SDCCAG8: variants seen among roughly 807,000 people sequenced by gnomAD.
SDCCAG8 encodes the protein SHH signaling and ciliogenesis regulator SDCCAG8.
Under a neutral mutation model 101.8 loss-of-function variants are expected in SDCCAG8, and 74 were observed. The ratio of observed to expected loss-of-function variants is 0.73; its 90% CI spans 0.60 to 0.88. SDCCAG8 has a LOEUF of 0.88. SDCCAG8 is among the 40% of genes least tolerant of loss of function. The probability of loss-of-function intolerance (pLI) is 0.00; values close to 1 mark genes in which losing one functional copy is unlikely to be tolerated. For missense variants in SDCCAG8, 787 were observed against 822.6 expected, an observed-to-expected ratio of 0.96 and a Z score of 0.53; for synonymous variants, 281 against 292.9, an observed-to-expected ratio of 0.96 and a Z score of 0.41.
At position 243,423,422 on chromosome 1, in the gene SDCCAG8, G is replaced by A. The variant is rs563146725; in HGVS notation, c.1854-3005G>A. ...GATTATACCGTATATACAGTTTTGC[G>A]TCTGCTTTTTCATTTGATATCTAAT... On this transcript the variant is annotated intron_variant, in intron 15 of 17. Transcript: ENST00000366541. 3.3e-4 allele frequency among the ~76,000 whole-genome samples: 50 copies of A among 152,016 alleles called. 1 individual carries two copies. Among genetic ancestry groups the A allele is most frequent in the African/African-American group, 7.2e-4 (30 of 41,462 alleles).
Position 243,421,585 on chromosome 1 carries a change from G to A in SDCCAG8, c.1853+3509G>A, listed in dbSNP as rs78033246. ...GCGCTCTGTGTACTCCACACTGCAC[G>A]TAGTGGTGTCTGTAACCCCGGGGTT... On this transcript the variant is annotated intron_variant, in intron 15 of 17. Transcript: ENST00000366541. 9.8e-5 allele frequency among the ~76,000 whole-genome samples: 15 copies of A among 152,316 alleles called. No individual in the cohort carries two copies. In the East Asian group the frequency reaches 2.9e-3, roughly 29 times the overall value.
chr1:243,440,195 G>A (rs181782011), intron 16 of SDCCAG8, among the ~76,000 whole-genome samples: 116 of 152,198 alleles, frequency 7.6e-4, no homozygotes, highest in African/African-American at 2.7e-3. Flanking sequence ...AGGGTTATGA[G>A]GCTTAAATGA....
chr1:243,433,138 G>A (rs1304182946), intron 16 of SDCCAG8, among the ~76,000 whole-genome samples: 2 of 152,074 alleles, frequency 1.3e-5, no homozygotes, highest in South Asian at 2.1e-4. Context: ...TTATGGATAC[G>A]GTGCTGGAAA....
intron 16 of SDCCAG8, among the ~76,000 whole-genome samples, chr1:243,467,235 T>C (rs912961806): frequency 1.3e-5 from 2 of 152,258 alleles, no homozygotes; most frequent in African/African-American, 2.4e-5. Flanking sequence ...TTTTTGTTTG[T>C]CTTTTTAAAT....
At chr1:243,296,701 C>A (rs2070944971) in intron 6 of SDCCAG8, among the ~76,000 whole-genome samples, 1 of 151,682 alleles carries the variant, frequency 6.6e-6, no homozygotes, top group South Asian at 2.1e-4. Flanking sequence ...CGCCACTGCG[C>A]CCGGCTAATT....
intron 12 of SDCCAG8, among the ~76,000 whole-genome samples, chr1:243,369,019 G>A (rs1225181904): frequency 3.3e-5 from 5 of 152,010 alleles, no homozygotes; most frequent in Non-Finnish European, 7.4e-5. Context: ...AGCCTAAAAG[G>A]TTGAATATTG....
intron 12 of SDCCAG8, among the ~76,000 whole-genome samples, chr1:243,368,359 A>C (rs962095484): frequency 2.6e-5 from 4 of 152,170 alleles, no homozygotes; most frequent in Admixed American, 2.6e-4. Context: ...AAAGGAATAT[A>C]GGTCTACATT....
Position 243,430,903 on chromosome 1 carries a change from C to T in SDCCAG8, c.1985+4345C>T, listed in dbSNP as rs576960281. Among the ~76,000 whole-genome samples the T allele has an allele frequency of 4.6e-5, 7 of 152,220 alleles. No individual in the cohort carries two copies. The East Asian group carries it at 1.4e-3, about 30-fold the overall frequency. On this transcript the variant is annotated intron_variant, in intron 16 of 17. Coordinates refer to ENST00000366541, the MANE Select transcript of SDCCAG8 (RefSeq NM_006642.5). ...TTGGAACAGAGCCATCGTGTTTGCT[C>T]AAGACCAGTTATGGGCCGGGCGTGG...
At chr1:243,408,001 T>C (rs1358303378) in intron 13 of SDCCAG8, among the ~76,000 whole-genome samples, 2 of 152,218 alleles carry the variant, frequency 1.3e-5, no homozygotes, top group Non-Finnish European at 2.9e-5. Flanking sequence ...TTCTGAAACA[T>C]GGAAGACATC....
At chr1:243,289,254 G>A (rs1161397981) in intron 5 of SDCCAG8, among the ~76,000 whole-genome samples, 2 of 152,126 alleles carry the variant, frequency 1.3e-5, no homozygotes, top group Non-Finnish European at 2.9e-5. Flanking sequence ...TCTAGCACAG[G>A]AGAAAGATGT....
chr1:243,273,435 A>C (rs1346341227), intron 3 of SDCCAG8, among the ~76,000 whole-genome samples: 2 of 152,208 alleles, frequency 1.3e-5, no homozygotes, highest in Non-Finnish European at 2.9e-5. Flanking sequence ...CTATACATTA[A>C]CAGTCAGTTC....
intron 1 of SDCCAG8, among the ~76,000 whole-genome samples, chr1:243,265,798 G>C (rs1264320527): frequency 1.3e-5 from 2 of 151,776 alleles, no homozygotes; most frequent in Non-Finnish European, 2.9e-5. Flanking sequence ...GGGGACAACA[G>C]GGAGACTTCG....
At chr1:243,338,532 G>A (rs1193661355) in intron 10 of SDCCAG8, among the ~76,000 whole-genome samples, 1 of 151,614 alleles carries the variant, frequency 6.6e-6, no homozygotes, top group Non-Finnish European at 1.5e-5. Context: ...GTGAGTTTGT[G>A]TGTTATCTTC....
At chr1:243,462,409 C>G (rs1283909299) in intron 16 of SDCCAG8, among the ~76,000 whole-genome samples, 2 of 152,218 alleles carry the variant, frequency 1.3e-5, no homozygotes, top group Admixed American at 6.5e-5. Flanking sequence ...AGGTAAGGGG[C>G]TGTGTGGCTG....
chr1:243,428,765 G>A (rs1486689141), intron 16 of SDCCAG8, among the ~76,000 whole-genome samples: 2 of 152,186 alleles, frequency 1.3e-5, no homozygotes, highest in African/African-American at 4.8e-5. Context: ...CAAATGTGAA[G>A]GTGCAGTATT....
chr1:243,392,138 A>G (rs908339268), intron 13 of SDCCAG8, among the ~76,000 whole-genome samples: 9 of 152,244 alleles, frequency 5.9e-5, no homozygotes, highest in African/African-American at 1.9e-4. Context: ...ATTTTAACTC[A>G]TTCAGCGTTT....
At chr1:243,302,863 C>T (rs920204024) in intron 6 of SDCCAG8, among the ~76,000 whole-genome samples, 2 of 152,128 alleles carry the variant, frequency 1.3e-5, no homozygotes, top group Admixed American at 1.3e-4. Context: ...GTAGCAAGAA[C>T]ATCATGAAAG....
Position 243,304,693 on chromosome 1 carries a change from T to C in SDCCAG8, c.676-20T>C. Reference sequence around the variant, plus strand: ...TACAGGACATAGAGAAAAATGTACTTCTATTTTTCTTTTCTATAGGAGAAG... The same window carrying C: ...TACAGGACATAGAGAAAAATGTACTCCTATTTTTCTTTTCTATAGGAGAAG... On this transcript the variant is annotated intron_variant, in intron 6 of 17. Transcript: ENST00000366541. 7.5e-7 allele frequency: 1 copy of C among 1,332,632 alleles called. No homozygotes were observed. 82.6% of individuals were successfully genotyped at this position (1,332,632 alleles called of 1,614,324 possible). A position where few individuals can be genotyped will look rare whatever the true frequency, so the allele number is the denominator to read the frequency against.
At chr1:243,433,356 G>GAAAAAA (rs914707825) in intron 16 of SDCCAG8, among the ~76,000 whole-genome samples, 2 of 64,960 alleles carry the variant, frequency 3.1e-5, no homozygotes, top group Admixed American at 1.8e-4. Context: ...CGTCTCAAAA[G>GAAAAAA]AAAAAAAAAA....
Sources: allele counts gnomAD v4.1 joint callset (sites outside exome capture counted in the v4.1 genomes callset), GRCh38; gene constraint gnomAD v4.1.1; transcripts MANE v1.5; gene names NCBI Gene and HGNC (gene_info 2026-07-23, HGNC 2026-07-21).